DYNC2I1: variants seen among roughly 807,000 people sequenced by gnomAD.
The protein encoded by DYNC2I1 is cytoplasmic dynein 2 intermediate chain 1.
A neutral mutation model predicts 133.4 loss-of-function variants in DYNC2I1; 89 were observed. The observed-to-expected ratio is 0.67, with a 90% CI of 0.56 to 0.80. DYNC2I1 has a LOEUF of 0.80. Ranked by LOEUF, DYNC2I1 falls within the 30% of genes least tolerant of loss-of-function variation. DYNC2I1 has a pLI of 0.00. For synonymous variants in DYNC2I1, 504 were observed against 484.3 expected, an observed-to-expected ratio of 1.04 and a Z score of -0.54; for missense variants, 1,291 against 1,314.5, an observed-to-expected ratio of 0.98 and a Z score of 0.28.
chr7:158,839,955 G>A, the DYNC2I1 span, among the ~76,000 whole-genome samples: 4 of 152,006 alleles, frequency 2.6e-5, no homozygotes, highest in African/African-American at 9.7e-5. Context: ...TGAACTACAG[G>A]CACATCTCAC....
intron 14 of DYNC2I1, among the ~76,000 whole-genome samples, chr7:158,915,182 G>T (rs1163850945): frequency 6.6e-6 from 1 of 151,884 alleles, no homozygotes; most frequent in Non-Finnish European, 1.5e-5. Context: ...TTGACAGGAT[G>T]ATTGTGAAAC....
At position 158,869,916 on chromosome 7, in the gene DYNC2I1, T is replaced by C. The variant is rs1240967656; in HGVS notation, c.69+8T>C. The C allele has an allele frequency of 6.2e-7, 1 of 1,612,774 alleles. No individual in the cohort carries two copies. The highest frequency in any genetic ancestry group is 1.3e-5 in the African/African-American group (1 of 74,902). ...CTCAGAAAACATCTCTGGGTAATTATTGTAAAGATTTGGATTGGGATCTGT... is the reference window on the plus strand; with the variant it reads ...CTCAGAAAACATCTCTGGGTAATTACTGTAAAGATTTGGATTGGGATCTGT... On this transcript the variant is annotated splice_region_variant and intron_variant, in intron 2 of 24. Coordinates refer to ENST00000407559, the MANE Select transcript of DYNC2I1 (RefSeq NM_018051.5).
chr7:158,949,121 A>G (rs1324202559), downstream of DYNC2I1, among the ~76,000 whole-genome samples: 1 of 151,962 alleles, frequency 6.6e-6, no homozygotes, highest in Non-Finnish European at 1.5e-5. Flanking sequence ...GGGCGACAGC[A>G]CCACCGTCCA....
At chr7:158,891,695 G>A (rs1349557840) in intron 8 of DYNC2I1, among the ~76,000 whole-genome samples, 1 of 152,228 alleles carries the variant, frequency 6.6e-6, no homozygotes, top group Non-Finnish European at 1.5e-5. Flanking sequence ...TGCTCTGTGT[G>A]TAAGTTGAAG....
At chr7:158,924,581 A>G (rs1288618472) in intron 17 of DYNC2I1, among the ~76,000 whole-genome samples, 1 of 151,766 alleles carries the variant, frequency 6.6e-6, no homozygotes, top group South Asian at 2.1e-4. Flanking sequence ...GGCTGTTTGA[A>G]TTTATCGCAA....
chr7:158,883,658 CTTT>C (rs762388455), intron 5 of DYNC2I1, among the ~76,000 whole-genome samples: 7 of 86,164 alleles, frequency 8.1e-5, no homozygotes, highest in African/African-American at 2.0e-4. Flanking sequence ...CCAGTGACTT[CTTT>C]TTTTTTTTTT....
At chr7:158,906,595 A>ATTAC (rs1846840505) in intron 11 of DYNC2I1, among the ~76,000 whole-genome samples, 1 of 151,998 alleles carries the variant, frequency 6.6e-6, no homozygotes, top group South Asian at 2.1e-4. Context: ...AGTAGCTGGG[A>ATTAC]TTACAGGTGG....
intron 11 of DYNC2I1, among the ~76,000 whole-genome samples, chr7:158,906,977 T>C (rs1439326087): frequency 1.3e-5 from 2 of 152,212 alleles, no homozygotes; most frequent in East Asian, 1.9e-4. Flanking sequence ...CTGAGCAGCA[T>C]AGCGAGACGC....
intron 11 of DYNC2I1, 96 bp from the exon 12 acceptor site, chr7:158,911,454 C>G (rs1415412664): frequency 3.0e-6 from 4 of 1,338,494 alleles, no homozygotes; most frequent in Non-Finnish European, 4.1e-6. Context: ...CTGACAATAA[C>G]ATGCATTTAA....
At chr7:158,886,035 A>G (rs1202680623) in intron 6 of DYNC2I1, among the ~76,000 whole-genome samples, 2 of 148,704 alleles carry the variant, frequency 1.3e-5, no homozygotes, top group Non-Finnish European at 3.0e-5. Context: ...TATATTACAT[A>G]TTATATAACA....
intron 5 of DYNC2I1, among the ~76,000 whole-genome samples, chr7:158,881,071 G>C (rs1243173608): frequency 6.6e-6 from 1 of 152,254 alleles, no homozygotes; most frequent in African/African-American, 2.4e-5. Flanking sequence ...TGTAAAACGC[G>C]AATGCCAGTG....
rs138551737 is a variant in DYNC2I1, at chr7:158,930,620, G to A, written c.2546+105G>A. ...AATGGTGAGCTTTTGCGATGAAGAA[G>A]TCCATTTTCTCACATTGTTTTTTTA... On this transcript the variant is annotated intron_variant, in intron 21 of 24. Transcript: ENST00000407559. 3 of 874,484 alleles carry A rather than the reference G, an allele frequency of 3.4e-6. No homozygotes were observed. The East Asian group carries it at 8.4e-5, about 24-fold the overall frequency. The allele number at this position is 874,484 out of a possible 1,614,324, so 54.2% of individuals were successfully genotyped here. A position where few individuals can be genotyped will look rare whatever the true frequency, so the allele number is the denominator to read the frequency against.
intron 14 of DYNC2I1, among the ~76,000 whole-genome samples, chr7:158,918,214 A>G (rs1447656528): frequency 1.3e-5 from 2 of 151,984 alleles, no homozygotes; most frequent in African/African-American, 2.4e-5. Context: ...TTCTCATTCA[A>G]CACTCTCTGC....
intron 24 of DYNC2I1, 36 bp downstream of exon 24, chr7:158,942,184 G>T (rs748470271): frequency 1.3e-5 from 19 of 1,482,684 alleles, no homozygotes; most frequent in Admixed American, 2.4e-5. Context: ...TGCTGGTTGT[G>T]GGGGGGCTTC....
the DYNC2I1 span, among the ~76,000 whole-genome samples, chr7:158,848,819 G>C: frequency 1.3e-5 from 2 of 152,118 alleles, no homozygotes; most frequent in Non-Finnish European, 2.9e-5. Context: ...AGCTACTTGG[G>C]AGGCTGAGGC....
the DYNC2I1 span, among the ~76,000 whole-genome samples, chr7:158,845,544 G>T: frequency 3.3e-5 from 5 of 152,264 alleles, no homozygotes; most frequent in African/African-American, 1.2e-4. Flanking sequence ...AATAATTGTT[G>T]CTTGCGTAAT....
chr7:158,937,622 G>A (rs77875535), intron 23 of DYNC2I1, among the ~76,000 whole-genome samples: 113 of 109,422 alleles, frequency 1.0e-3, no homozygotes, highest in Non-Finnish European at 1.2e-3. Flanking sequence ...ACTGTCTCAA[G>A]AAAAAAAAAA....
the DYNC2I1 span, among the ~76,000 whole-genome samples, chr7:158,851,053 T>G: frequency 1.3e-5 from 2 of 151,900 alleles, no homozygotes; most frequent in Non-Finnish European, 2.9e-5. Flanking sequence ...CTTTTTCTTT[T>G]GAGTTATTTA....
intron 1 of DYNC2I1, among the ~76,000 whole-genome samples, chr7:158,868,862 G>A (rs1228118469): frequency 6.6e-6 from 1 of 152,252 alleles, no homozygotes; most frequent in Non-Finnish European, 1.5e-5. Flanking sequence ...AGCCTTCTTA[G>A]TAGGGTTATG....
Sources: allele counts gnomAD v4.1 joint callset (sites outside exome capture counted in the v4.1 genomes callset), GRCh38; gene constraint gnomAD v4.1.1; transcripts MANE v1.5; gene names NCBI Gene and HGNC (gene_info 2026-07-23, HGNC 2026-07-21).